The following PDE1A variants were observed in gnomAD, a reference collection of about 807,000 sequenced individuals.
PDE1A encodes phosphodiesterase 1A.
In PDE1A, 35 loss-of-function variants were observed where a neutral mutation model predicts 61.7. The ratio of observed to expected loss-of-function variants is 0.57; its 90% CI spans 0.43 to 0.75. The LOEUF (loss-of-function observed/expected upper bound fraction) is 0.75, where lower values mean the gene tolerates loss of function less well. Ranked by LOEUF, PDE1A falls within the 30% of genes least tolerant of loss-of-function variation. PDE1A has a pLI of 0.00. For missense variants in PDE1A, 597 were observed against 630.6 expected (o/e 0.95, Z 0.57); for synonymous variants, 232 against 213.2 (o/e 1.09, Z -0.77).
chr2:182,525,391 T>G (rs542194537), upstream of PDE1A, among the ~76,000 whole-genome samples: 4 of 152,322 alleles, frequency 2.6e-5, no homozygotes, highest in Non-Finnish European at 5.9e-5. Context: ...TTCTAAGTAT[T>G]TGTGTCACTA....
At chr2:182,470,887 A>G (rs1162612176) in intron 2 of PDE1A, among the ~76,000 whole-genome samples, 1 of 151,864 alleles carries the variant, frequency 6.6e-6, no homozygotes, top group Admixed American at 6.6e-5. Flanking sequence ...ACATTTTTAT[A>G]GAGATACTAT....
the PDE1A span, among the ~76,000 whole-genome samples, chr2:182,663,669 C>CAACAGACACTGGGGCCTAG: frequency 6.6e-6 from 1 of 151,882 alleles, no homozygotes; most frequent in Non-Finnish European, 1.5e-5. Flanking sequence ...CTGGGGCCTA[C>CAACAGACACTGGGGCCTAG]TGGAGAGAGG....
the PDE1A span, among the ~76,000 whole-genome samples, chr2:182,653,432 G>T: frequency 2.0e-5 from 3 of 152,048 alleles, no homozygotes; most frequent in Admixed American, 2.0e-4. Flanking sequence ...GTGGTGTGTG[G>T]CAGGACCAGA....
At chr2:182,281,529 C>T (rs1009421604) in intron 1 of PDE1A, among the ~76,000 whole-genome samples, 5 of 151,818 alleles carry the variant, frequency 3.3e-5, no homozygotes, top group Non-Finnish European at 5.9e-5. Context: ...TCAACTGCTT[C>T]GTGAAAGAGC....
chr2:182,393,484 A>T (rs116239039), intron 1 of PDE1A, among the ~76,000 whole-genome samples: 3,177 of 152,276 alleles, frequency 0.021, 115 homozygotes, highest in African/African-American at 0.073. Context: ...CTTGGTGATT[A>T]ACATTTGGCT....
rs1375762968 is a variant in PDE1A at position 182,267,506 on chromosome 2, T to C, written c.54-3092A>G. ...CCAAAAGACTGGATAGAAATGTATA[T>C]TGGGGGGTTACTAGGACTCGTTTTT... is the stretch of plus-strand genomic sequence containing the variant. On this transcript the variant is annotated intron_variant, in intron 1 of 13. Coordinates refer to ENST00000351439, the Ensembl canonical transcript of PDE1A. 6.6e-5 allele frequency among the ~76,000 whole-genome samples: 10 copies of C among 151,796 alleles called. No individual in the cohort carries two copies. In the South Asian group the frequency reaches 2.1e-3, roughly 31 times the overall value.
the PDE1A span, among the ~76,000 whole-genome samples, chr2:182,538,194 A>G: frequency 6.6e-6 from 1 of 152,146 alleles, no homozygotes; most frequent in African/African-American, 2.4e-5. Context: ...TATCCAGCCT[A>G]AAATATCAGG....
intron 11 of PDE1A, among the ~76,000 whole-genome samples, chr2:182,188,099 T>C (rs761062037): frequency 6.6e-6 from 1 of 152,140 alleles, no homozygotes; most frequent in Non-Finnish European, 1.5e-5. Context: ...GCATCACCTC[T>C]ACTAACATGG....
At chr2:182,455,149 T>G (rs1409772898) in intron 2 of PDE1A, among the ~76,000 whole-genome samples, 2 of 151,722 alleles carry the variant, frequency 1.3e-5, no homozygotes, top group African/African-American at 2.4e-5. Flanking sequence ...AAAAAACACA[T>G]GAAAAAATGC....
At chr2:182,580,228 T>C in the PDE1A span, among the ~76,000 whole-genome samples, 2 of 152,180 alleles carry the variant, frequency 1.3e-5, no homozygotes, top group Non-Finnish European at 1.5e-5. Flanking sequence ...TATTAATTAA[T>C]AGTTTGCTGG....
At chr2:182,637,608 A>C in the PDE1A span, among the ~76,000 whole-genome samples, 5 of 152,316 alleles carry the variant, frequency 3.3e-5, no homozygotes, top group East Asian at 5.8e-4. Flanking sequence ...TTCTTACCAA[A>C]GAATCAGTAC....
intron 13 of PDE1A, among the ~76,000 whole-genome samples, chr2:182,173,998 C>T (rs1163870314): frequency 6.6e-6 from 1 of 151,922 alleles, no homozygotes; most frequent in African/African-American, 2.4e-5. Context: ...GAGTGAGGCC[C>T]ACTGGTGAGT....
chr2:182,473,578 T>A (rs1687170902), intron 2 of PDE1A, among the ~76,000 whole-genome samples: 1 of 151,814 alleles, frequency 6.6e-6, no homozygotes. Flanking sequence ...GTGTACATCA[T>A]TTCATCACCC....
chr2:182,467,402 GT>G (rs1202793868), intron 2 of PDE1A, among the ~76,000 whole-genome samples: 1 of 151,922 alleles, frequency 6.6e-6, no homozygotes, highest in East Asian at 1.9e-4. Flanking sequence ...AAAAATTTCA[GT>G]TTGTAATTAA....
intron 6 of PDE1A, among the ~76,000 whole-genome samples, chr2:182,229,765 C>A (rs1689424523): frequency 8.6e-6 from 1 of 116,098 alleles, no homozygotes; most frequent in Admixed American, 9.0e-5. Flanking sequence ...GTTTGGTAGT[C>A]CAAATTTTGG....
chr2:182,370,823 A>G (rs1192878616), intron 1 of PDE1A, among the ~76,000 whole-genome samples: 1 of 152,168 alleles, frequency 6.6e-6, no homozygotes, highest in South Asian at 2.1e-4. Flanking sequence ...ATGGGATTGC[A>G]GGAGATTAGG....
At chr2:182,523,631 T>A (rs143455180), upstream of PDE1A, among the ~76,000 whole-genome samples, 1,650 of 152,310 alleles carry the variant, frequency 0.011, 21 homozygotes, top group Middle Eastern at 0.034. Context: ...CAAAGATTGG[T>A]AATAACATCC....
intron 1 of PDE1A, among the ~76,000 whole-genome samples, chr2:182,330,725 T>C (rs1264016063): frequency 1.3e-5 from 2 of 152,300 alleles, no homozygotes; most frequent in African/African-American, 4.8e-5. Context: ...TTGCCAAACA[T>C]AGTCATCTGA....
exon 15 of PDE1A, chr2:182,141,692 T>C (rs534371972): frequency 6.6e-6 from 1 of 152,320 alleles, no homozygotes; most frequent in Admixed American, 6.5e-5. Context: ...AAGCTTCCAA[T>C]TGTACCCTTT....
Sources: gnomAD v4.1 joint callset for allele counts (sites outside exome capture counted in the v4.1 genomes callset) on GRCh38, gnomAD v4.1.1 for gene constraint, MANE v1.5 for transcripts, NCBI Gene and HGNC (gene_info 2026-07-23, HGNC 2026-07-21) for gene names.